The following PRDM6 variants were observed in gnomAD, a reference collection of about 807,000 sequenced individuals.
PRDM6 encodes putative histone-lysine N-methyltransferase PRDM6.
Under a neutral mutation model 60.8 loss-of-function variants are expected in PRDM6, and 25 were observed. That is an observed-to-expected ratio of 0.41 (90% CI 0.30 to 0.57). The LOEUF is 0.57. Ranked by LOEUF, PRDM6 falls within the 20% of genes least tolerant of loss-of-function variation. The pLI, the probability that PRDM6 is intolerant of heterozygous loss-of-function variation, is 0.27. For missense variants in PRDM6, 839 were observed against 821.3 expected (o/e 1.02, Z -0.26); for synonymous variants, 407 against 357.4 (o/e 1.14, Z -1.57).
At chr5:123,121,213 T>C (rs1764573373) in intron 3 of PRDM6, among the ~76,000 whole-genome samples, 1 of 152,236 alleles carries the variant, frequency 6.6e-6, no homozygotes, top group Admixed American at 6.5e-5. Context: ...TTTTTACCTA[T>C]GTTTTTATAG....
chr5:123,125,271 G>T (rs942159679), intron 3 of PRDM6, among the ~76,000 whole-genome samples: 5 of 151,914 alleles, frequency 3.3e-5, no homozygotes, highest in African/African-American at 9.7e-5. Flanking sequence ...TGGGCTTATA[G>T]TACATTTTAA....
intron 7 of PRDM6, among the ~76,000 whole-genome samples, chr5:123,182,370 G>T (rs1406506333): frequency 6.6e-6 from 1 of 152,232 alleles, no homozygotes; most frequent in African/African-American, 2.4e-5. Context: ...GGAGGGTTCA[G>T]GATCCTTCTG....
chr5:123,156,094 A>C, intron 4 of PRDM6, 83 bp downstream of exon 4: 1 of 1,341,244 alleles, frequency 7.5e-7, no homozygotes, highest in Non-Finnish European at 1.0e-6. Flanking sequence ...ACTGGTGGGT[A>C]AAAAAAATCC....
chr5:123,114,573 A>G (rs755822828), intron 3 of PRDM6, among the ~76,000 whole-genome samples: 7 of 152,220 alleles, frequency 4.6e-5, no homozygotes, highest in Non-Finnish European at 8.8e-5. Context: ...GTTCTGCTAA[A>G]AAATTAATTT....
intron 5 of PRDM6, among the ~76,000 whole-genome samples, chr5:123,167,236 C>G (rs1165086147): frequency 6.6e-6 from 1 of 151,888 alleles, no homozygotes; most frequent in East Asian, 1.9e-4. Context: ...ACTGATCTAT[C>G]AAACACTAGA....
intron 3 of PRDM6, among the ~76,000 whole-genome samples, chr5:123,116,001 T>A (rs945898293): frequency 7.2e-5 from 11 of 152,214 alleles, no homozygotes; most frequent in South Asian, 2.1e-4. Context: ...AGTGATCATT[T>A]TTGTTGATCA....
At chr5:123,183,844 G>A (rs1010547409) in intron 7 of PRDM6, among the ~76,000 whole-genome samples, 2 of 152,134 alleles carry the variant, frequency 1.3e-5, no homozygotes, top group African/African-American at 2.4e-5. Context: ...ATTTCAGTGG[G>A]CTGCCCTGCT....
intron 5 of PRDM6, among the ~76,000 whole-genome samples, chr5:123,168,622 A>G (rs1041916428): frequency 6.6e-6 from 1 of 152,214 alleles, no homozygotes; most frequent in Admixed American, 6.5e-5. Context: ...TGGAGAGATT[A>G]TAATGTAGTT....
rs762900677 is a variant in PRDM6 at position 123,090,234 on chromosome 5, G to A, written c.220G>A (p.Ala74Thr). The stretch of plus-strand genomic sequence containing the variant: ...GCCGGACAGCCTGCGCCCGCGGCCC[G>A]CCTCTCTCTCCTCCGCCTCGTCCAC... ...PPPDSLRPRP[A>T]SLSSASSTPA... Residue 74 changes from alanine to threonine, a missense_variant, in exon 2 of 8, where the codon GCC (alanine) becomes ACC (threonine). Physicochemically the swap from Ala to Thr is moderately conservative, Grantham distance 58. This residue lies in a region of PRDM6 where 730 missense variants were observed against 648.8 expected (regional missense o/e 1.13). Transcript: ENST00000407847. 1.8e-5 allele frequency: 26 copies of A among 1,476,914 alleles called. No individual in the cohort carries two copies. The highest frequency in any genetic ancestry group is 2.4e-5 in the Admixed American group (1 of 42,500). The allele number at this position is 1,476,914 out of a possible 1,614,324, so 91.5% of individuals were successfully genotyped here. A position where few individuals can be genotyped will look rare whatever the true frequency, so the allele number is the denominator to read the frequency against.
intron 3 of PRDM6, among the ~76,000 whole-genome samples, chr5:123,127,181 G>A (rs142368601): frequency 0.019 from 2,875 of 152,210 alleles, 34 homozygotes; most frequent in Non-Finnish European, 0.03. Context: ...GGGATTACAG[G>A]CACACACCAC....
chr5:123,186,701 G>A (rs1441644993), intron 7 of PRDM6, among the ~76,000 whole-genome samples: 1 of 152,214 alleles, frequency 6.6e-6, no homozygotes, highest in African/African-American at 2.4e-5. Flanking sequence ...TTAGCAGTAG[G>A]TGAAATTCTA....
At chr5:123,185,946 C>T (rs756236688) in intron 7 of PRDM6, among the ~76,000 whole-genome samples, 7 of 152,158 alleles carry the variant, frequency 4.6e-5, no homozygotes, top group Non-Finnish European at 5.9e-5. Context: ...TGCAGGGGCT[C>T]ACAAACTGGA....
chr5:123,167,393 T>TTTTTTTTTTAC (rs1491442888), intron 5 of PRDM6, among the ~76,000 whole-genome samples: 1 of 67,486 alleles, frequency 1.5e-5, no homozygotes, highest in African/African-American at 5.4e-5. Flanking sequence ...ATTAGGTTAC[T>TTTTTTTTTTAC]TTTTTTTTTT....
At chr5:123,183,344 A>G (rs184109597) in intron 7 of PRDM6, among the ~76,000 whole-genome samples, 2 of 152,346 alleles carry the variant, frequency 1.3e-5, no homozygotes, top group East Asian at 3.9e-4. Flanking sequence ...TTGCCATGTC[A>G]GAGAAAGCCC....
chr5:123,098,045 C>G (rs1255012642), intron 2 of PRDM6, among the ~76,000 whole-genome samples: 2 of 152,196 alleles, frequency 1.3e-5, no homozygotes, highest in African/African-American at 4.8e-5. Context: ...AATGGCAAAT[C>G]GAGGGCTCCC....
At chr5:123,128,827 A>T (rs1764752571) in intron 3 of PRDM6, among the ~76,000 whole-genome samples, 1 of 152,176 alleles carries the variant, frequency 6.6e-6, no homozygotes, top group Non-Finnish European at 1.5e-5. Context: ...TGTTTTAGTC[A>T]TGAAGTCCTT....
intron 3 of PRDM6, among the ~76,000 whole-genome samples, chr5:123,109,662 C>G (rs568418265): frequency 2.1e-4 from 32 of 152,232 alleles, no homozygotes; most frequent in African/African-American, 7.5e-4. Context: ...CATTGGATGG[C>G]TCTCATTTTT....
chr5:123,090,175 C>G lies in PRDM6; in HGVS notation c.161C>G (p.Pro54Arg). 6.7e-7 allele frequency: 1 copy of G among 1,488,358 alleles called. No homozygotes were observed. The highest frequency in any genetic ancestry group is 8.9e-7 in the Non-Finnish European group (1 of 1,122,794). The allele number at this position is 1,488,358 out of a possible 1,614,324, so 92.2% of individuals were successfully genotyped here. A position where few individuals can be genotyped will look rare whatever the true frequency, so the allele number is the denominator to read the frequency against. The stretch of plus-strand genomic sequence containing the variant: ...GCGCCGCAGCCTCTTCAGCCGCCGC[C>G]GCCGCCCCCGCCCCCGGAGCGCGCT... ...LSAPQPLQPP[P>R]PPPPPERAEP... Residue 54 changes from proline (P) to arginine (R), a missense_variant, in exon 2 of 8, where the codon CCG becomes CGG. By Grantham distance (103) the Pro-to-Arg change is moderately radical. Transcript: ENST00000407847.
intron 5 of PRDM6, among the ~76,000 whole-genome samples, chr5:123,169,345 T>C (rs533049430): frequency 6.6e-6 from 1 of 152,336 alleles, no homozygotes; most frequent in Admixed American, 6.5e-5. Context: ...ATTCTAGCTA[T>C]ATTATTAGAT....
Sources: gnomAD v4.1 joint callset for allele counts (sites outside exome capture counted in the v4.1 genomes callset) on GRCh38, gnomAD v4.1.1 for gene constraint, gnomAD v4.1.1 regional missense constraint, MANE v1.5 for transcripts, NCBI Gene and HGNC (gene_info 2026-07-23, HGNC 2026-07-21) for gene names.